PRKAG2: variants seen among roughly 807,000 people sequenced by gnomAD.
The protein encoded by PRKAG2 is 5'-AMP-activated protein kinase subunit gamma-2.
PRKAG2 carries 26 observed loss-of-function variants against 69.6 expected under a neutral mutation model. That is an observed-to-expected ratio of 0.37 (90% CI 0.27 to 0.52). The LOEUF is 0.52. Among genes scored for constraint, PRKAG2 ranks in the 20% least tolerant of loss-of-function variants. PRKAG2 has a pLI of 0.90. For synonymous variants in PRKAG2, 293 were observed against 285.0 expected (o/e 1.03, Z -0.28); for missense variants, 557 against 740.0 (o/e 0.75, Z 2.87).
chr7:151,580,509 A>G (rs1810136849), intron 6 of PRKAG2, among the ~76,000 whole-genome samples: 1 of 152,222 alleles, frequency 6.6e-6, no homozygotes, highest in African/African-American at 2.4e-5. Context: ...TGTGGGATTC[A>G]TAACTTATAT....
chr7:151,697,956 G>A (rs1836975978), intron 3 of PRKAG2, among the ~76,000 whole-genome samples: 1 of 152,342 alleles, frequency 6.6e-6, no homozygotes, highest in African/African-American at 2.4e-5. Flanking sequence ...GCCAGTGGGT[G>A]CATTCAGGGG....
chr7:151,575,896 C>T (rs977212743), intron 7 of PRKAG2, among the ~76,000 whole-genome samples: 1 of 63,532 alleles, frequency 1.6e-5, no homozygotes, highest in African/African-American at 5.1e-5. Flanking sequence ...AATGAGGCGG[C>T]AAAAAAAAAA....
chr7:151,609,476 TAATC>T (rs1818256033), intron 5 of PRKAG2, among the ~76,000 whole-genome samples: 1 of 152,192 alleles, frequency 6.6e-6, no homozygotes, highest in African/African-American at 2.4e-5. Flanking sequence ...TTATACACCT[TAATC>T]AAACTAAGAG....
At position 151,874,095 on chromosome 7, in the gene PRKAG2, T is replaced by C. The variant is rs558278275; in HGVS notation, c.114+2412A>G. Among the ~76,000 whole-genome samples, 128 of 147,212 alleles carry C rather than the reference T, an allele frequency of 8.7e-4. No homozygotes were observed. The Middle Eastern group carries it at 0.022, about 25-fold the overall frequency. Reference sequence around the variant, plus strand: ...GATGTATATGTATATGTATATGATGTATATGTATATGATGTATATGTATAT... The same window carrying C: ...GATGTATATGTATATGTATATGATGCATATGTATATGATGTATATGTATAT... On this transcript the variant is annotated intron_variant, in intron 1 of 15. Coordinates refer to ENST00000287878, the MANE Select transcript of PRKAG2 (RefSeq NM_016203.4).
rs1013589396 is a variant in PRKAG2, at chr7:151,638,468, T to C, written c.685-6330A>G. On this transcript the variant is annotated intron_variant, in intron 4 of 15. Transcript: ENST00000287878. This position sits in a 1 kb window ranked among gnomAD's most constrained non-coding sequence, Gnocchi z 4.3. ...GCCAACATGGTGAAAACCCCGTCTC[T>C]ACTAAAAATACAAAAATTAGCCGGG... is the stretch of plus-strand genomic sequence containing the variant. Among the ~76,000 whole-genome samples, 3 of 152,136 alleles carry C rather than the reference T, an allele frequency of 2.0e-5. No homozygotes were observed. In the East Asian group the frequency reaches 5.8e-4, roughly 29 times the overall value.
rs1184787261 is a variant in PRKAG2 at position 151,835,855 on chromosome 7, A to G, written c.114+40652T>C. On this transcript the variant is annotated intron_variant, in intron 1 of 15. Transcript: ENST00000287878. This position sits in a 1 kb window ranked among gnomAD's most constrained non-coding sequence, Gnocchi z 4.1. ...GATTGCTGGCTGCTCACCGTGATGA[A>G]AGTGCATCTGTCCCACAAAGGGCAG... Among the ~76,000 whole-genome samples, 2 of 152,162 alleles carry G rather than the reference A, an allele frequency of 1.3e-5. No individual in the cohort carries two copies. Among genetic ancestry groups the G allele is most frequent in the South Asian group, 2.1e-4 (1 of 4,832 alleles).
rs770311074 is a variant in PRKAG2 at position 151,777,055 on chromosome 7, G to C, written c.466+4097C>G. On this transcript the variant is annotated intron_variant, in intron 3 of 15. Coordinates refer to ENST00000287878, the MANE Select transcript of PRKAG2 (RefSeq NM_016203.4). The surrounding 1 kb of genome is among the most constrained non-coding windows in gnomAD (Gnocchi z 4.3). ...TCCTGCAGTACAGGAGATGGGTTGG[G>C]GGACTCACTCTCTGACTCCACCTGC... is the stretch of plus-strand genomic sequence containing the variant. 6.6e-6 allele frequency among the ~76,000 whole-genome samples: 1 copy of C among 152,266 alleles called. No homozygotes were observed. Among genetic ancestry groups the C allele is most frequent in the African/African-American group, 2.4e-5 (1 of 41,558 alleles).
chr7:151,732,184 C>T (rs527822417), intron 3 of PRKAG2, among the ~76,000 whole-genome samples: 13 of 132,646 alleles, frequency 9.8e-5, no homozygotes, highest in Non-Finnish European at 1.8e-4. Flanking sequence ...GTCACCCAGG[C>T]GGGAGTGCAG....
Position 151,712,973 on chromosome 7 carries a change from G to A in PRKAG2, c.467-37336C>T, listed in dbSNP as rs115991246. On this transcript the variant is annotated intron_variant, in intron 3 of 15. Transcript: ENST00000287878. ...ACAGGATTGTCATGGAGAGCCCTGT[G>A]TGCTTGGAACGTGCCAAGAGCAGAG... is the stretch of plus-strand genomic sequence containing the variant. Among the ~76,000 whole-genome samples the A allele has an allele frequency of 9.2e-3, 1,400 of 152,360 alleles. 21 individuals are homozygous for A. The highest frequency in any genetic ancestry group is 0.032 in the African/African-American group (1,348 of 41,592).
intron 3 of PRKAG2, among the ~76,000 whole-genome samples, chr7:151,732,443 G>A (rs914768211): frequency 6.6e-6 from 1 of 152,138 alleles, no homozygotes; most frequent in African/African-American, 2.4e-5. Flanking sequence ...CCAGCCCTGA[G>A]ATTCTATCTC....
intron 1 of PRKAG2, among the ~76,000 whole-genome samples, chr7:151,863,903 CAA>C (rs60123822): frequency 3.5e-3 from 499 of 143,570 alleles, no homozygotes; most frequent in Admixed American, 3.7e-3. Context: ...AACCCTGTCT[CAA>C]AAAAAAAAAA....
rs578202473 is a variant in PRKAG2 at position 151,574,497 on chromosome 7, T to C, written c.1005+394A>G. On this transcript the variant is annotated intron_variant, in intron 8 of 15. Coordinates refer to ENST00000287878, the MANE Select transcript of PRKAG2 (RefSeq NM_016203.4). ...TTCTGCTTTAAAATCACAAAGTACA[T>C]ATAATTCTTGTTCTGCAATTGCTGG... is the stretch of plus-strand genomic sequence containing the variant. 6.6e-4 allele frequency among the ~76,000 whole-genome samples: 100 copies of C among 152,332 alleles called. 1 individual carries two copies. The Middle Eastern group carries it at 0.02, about 31-fold the overall frequency.
At chr7:151,821,840 G>A (rs961574467) in intron 1 of PRKAG2, among the ~76,000 whole-genome samples, 19 of 152,190 alleles carry the variant, frequency 1.2e-4, no homozygotes, top group African/African-American at 3.9e-4. Flanking sequence ...TTTGTAAAGT[G>A]GAGTTAATAA....
At chr7:151,609,950 C>T (rs561214167) in intron 5 of PRKAG2, among the ~76,000 whole-genome samples, 13 of 152,334 alleles carry the variant, frequency 8.5e-5, no homozygotes, top group Admixed American at 6.5e-4. Flanking sequence ...ATGAGCAGCA[C>T]GAACTTGCTG....
intron 4 of PRKAG2, among the ~76,000 whole-genome samples, chr7:151,648,972 C>A (rs937842789): frequency 6.6e-6 from 1 of 151,904 alleles, no homozygotes; most frequent in Non-Finnish European, 1.5e-5. Context: ...TCTTCGGATG[C>A]CTCTTGACCG....
chr7:151,841,698 GGTAGGTGGGGATGGTAGTGAT>G (rs2079294207), intron 1 of PRKAG2, among the ~76,000 whole-genome samples: 1 of 52,654 alleles, frequency 1.9e-5, no homozygotes, highest in African/African-American at 7.4e-5. Context: ...TGGTAGTGAT[GGTAGGTGGGGATGGTAGTGAT>G]GGTAGGTAGT....
chr7:151,707,366 C>A (rs560661135), intron 3 of PRKAG2, among the ~76,000 whole-genome samples: 1 of 152,268 alleles, frequency 6.6e-6, no homozygotes, highest in Non-Finnish European at 1.5e-5. Context: ...GGTGTGGCTG[C>A]AAATTCCTAG....
At chr7:151,562,218 C>T (rs1476415136) in intron 14 of PRKAG2, among the ~76,000 whole-genome samples, 2 of 132,318 alleles carry the variant, frequency 1.5e-5, no homozygotes, top group African/African-American at 5.7e-5. Context: ...GCACTCCAGC[C>T]TGGGCGACAG....
chr7:151,794,535 G>A (rs926591348), intron 1 of PRKAG2, among the ~76,000 whole-genome samples: 1 of 152,244 alleles, frequency 6.6e-6, no homozygotes. Flanking sequence ...GCTGGCCGAG[G>A]GCACACTGGG....
Sources: gnomAD v4.1 joint callset for allele counts (sites outside exome capture counted in the v4.1 genomes callset) on GRCh38, gnomAD v4.1.1 for gene constraint, Gnocchi (gnomAD v3.1) non-coding constraint, MANE v1.5 for transcripts, NCBI Gene and HGNC (gene_info 2026-07-23, HGNC 2026-07-21) for gene names.